TANGO6: variants seen among roughly 807,000 people sequenced by gnomAD.
The protein encoded by TANGO6 is transport and Golgi organization protein 6 homolog.
TANGO6 carries 90 observed loss-of-function variants against 114.2 expected under a neutral mutation model. The ratio of observed to expected loss-of-function variants is 0.79; its 90% CI spans 0.66 to 0.94. The LOEUF is 0.94. TANGO6 is among the 40% of genes least tolerant of loss of function. The probability of loss-of-function intolerance (pLI) is 0.00; values close to 1 mark genes in which losing one functional copy is unlikely to be tolerated. For missense variants in TANGO6, 1,274 were observed against 1,315.3 expected (o/e 0.97, Z 0.49); for synonymous variants, 477 against 509.8 (o/e 0.94, Z 0.87).
chr16:69,074,808 GTGTGT>G, intron 17 of TANGO6, among the ~76,000 whole-genome samples: 1 of 145,252 alleles, frequency 6.9e-6, no homozygotes. Flanking sequence ...CTGTGTGTGT[GTGTGT>G]GTGTGTGTGT....
At chr16:69,014,660 T>G (rs1473251616) in intron 15 of TANGO6, among the ~76,000 whole-genome samples, 1 of 151,998 alleles carries the variant, frequency 6.6e-6, no homozygotes, top group Non-Finnish European at 1.5e-5. Context: ...TTTGGGAGTC[T>G]AAGGCAGGAG....
At chr16:69,077,647 G>A (rs1460886351) in intron 17 of TANGO6, among the ~76,000 whole-genome samples, 10 of 152,030 alleles carry the variant, frequency 6.6e-5, no homozygotes, top group Admixed American at 6.6e-4. Context: ...TGGCCAACAT[G>A]GTGAAACCCT....
At chr16:68,939,411 T>C (rs962126499) in intron 14 of TANGO6, among the ~76,000 whole-genome samples, 6 of 152,064 alleles carry the variant, frequency 3.9e-5, no homozygotes, top group South Asian at 2.1e-4. Flanking sequence ...ACAAAAACCA[T>C]AGTGGAAACT....
chr16:68,941,540 T>A (rs1255946264), intron 14 of TANGO6, among the ~76,000 whole-genome samples: 1 of 152,032 alleles, frequency 6.6e-6, no homozygotes, highest in African/African-American at 2.4e-5. Context: ...GGACAGGAGT[T>A]TGAGACCAGC....
At position 68,982,630 on chromosome 16, in the gene TANGO6, C is replaced by CTTTTTTTTTTTTTTTTTTTTTTT. The variant is rs562523656; in HGVS notation, c.2842+8484_2842+8485insTTTTTTTTTTTTTTTTTTTTTTT. Among the ~76,000 whole-genome samples, 18 of 105,304 alleles carry CTTTTTTTTTTTTTTTTTTTTTTT rather than the reference C, an allele frequency of 1.7e-4. 1 individual carries two copies. Among genetic ancestry groups the CTTTTTTTTTTTTTTTTTTTTTTT allele is most frequent in the African/African-American group, 7.6e-4 (16 of 21,172 alleles). The allele number at this position is 105,304 out of a possible 152,430, so 69.1% of individuals were successfully genotyped here. On this transcript the variant is annotated intron_variant, in intron 15 of 17. Transcript: ENST00000261778. ...CAGGCATGAGCCACCATGCCCTGGC[C>CTTTTTTTTTTTTTTTTTTTTTTT]TTTTTTTTTTTTTTTTTTTTTTGTA...
rs71383949 is a variant in TANGO6 at position 69,048,258 on chromosome 16, A to ATTTTTTTT, written c.3108+7854_3108+7861dup. 6.1e-4 allele frequency among the ~76,000 whole-genome samples: 68 copies of ATTTTTTTT among 111,656 alleles called. 1 individual carries two copies. Among genetic ancestry groups the ATTTTTTTT allele is most frequent in the African/African-American group, 1.1e-3 (28 of 25,570 alleles). The allele number at this position is 111,656 out of a possible 152,430, so 73.3% of individuals were successfully genotyped here. On this transcript the variant is annotated intron_variant, in intron 17 of 17. Coordinates refer to ENST00000261778, the MANE Select transcript of TANGO6 (RefSeq NM_024562.2). ...CCACCAAGTGCAGCTAATTTTTTGT[A>ATTTTTTTT]TTTTTTTTTTTTTTTTTTTTTTTTG...
intron 14 of TANGO6, among the ~76,000 whole-genome samples, chr16:68,968,946 A>G (rs962085140): frequency 6.6e-6 from 1 of 152,196 alleles, no homozygotes; most frequent in African/African-American, 2.4e-5. Flanking sequence ...CTGGGATTAC[A>G]GGCATGAGCC....
chr16:68,963,600 A>T (rs1963615993), intron 14 of TANGO6, among the ~76,000 whole-genome samples: 1 of 152,214 alleles, frequency 6.6e-6, no homozygotes, highest in Admixed American at 6.5e-5. Context: ...TTAGATGTGG[A>T]CCTAGTGCAC....
intron 15 of TANGO6, among the ~76,000 whole-genome samples, chr16:69,001,388 A>G (rs1178579927): frequency 6.6e-6 from 1 of 152,190 alleles, no homozygotes; most frequent in East Asian, 1.9e-4. Context: ...TTTATTTTTA[A>G]AAGATTATTA....
intron 14 of TANGO6, among the ~76,000 whole-genome samples, chr16:68,966,876 A>T (rs1017251209): frequency 6.6e-6 from 1 of 151,332 alleles, no homozygotes; most frequent in Admixed American, 6.6e-5. Context: ...GGTTCAAGCA[A>T]TTTTCTTGCC....
At position 68,923,010 on chromosome 16, in the gene TANGO6, C is replaced by T. The variant is rs1351590939; in HGVS notation, c.2127+3791C>T. Among the ~76,000 whole-genome samples the T allele has an allele frequency of 1.1e-4, 15 of 139,646 alleles. No homozygotes were observed. The South Asian group carries it at 1.8e-3, about 17-fold the overall frequency. 91.6% of individuals were successfully genotyped at this position (139,646 alleles called of 152,430 possible). ...TTGCCCAGGCTGGGGTGCAATGGCA[C>T]GATCTCGGCTCACCGCAACCTCCGC... On this transcript the variant is annotated intron_variant, in intron 12 of 17. Coordinates refer to ENST00000261778, the MANE Select transcript of TANGO6 (RefSeq NM_024562.2).
intron 14 of TANGO6, among the ~76,000 whole-genome samples, chr16:68,963,019 G>A (rs1277649750): frequency 6.6e-6 from 1 of 150,652 alleles, no homozygotes; most frequent in African/African-American, 2.4e-5. Context: ...CCATGAACCC[G>A]GGAGGCAGAG....
At chr16:68,882,111 A>G (rs527832557) in intron 7 of TANGO6, among the ~76,000 whole-genome samples, 17 of 152,210 alleles carry the variant, frequency 1.1e-4, no homozygotes, top group Non-Finnish European at 2.5e-4. Flanking sequence ...GCTTTGGAAA[A>G]TAGTTTGACA....
intron 15 of TANGO6, among the ~76,000 whole-genome samples, chr16:69,000,853 A>G (rs147482353): frequency 4.6e-4 from 70 of 152,252 alleles, no homozygotes; most frequent in Middle Eastern, 6.8e-3. Context: ...TGGCCTCCCA[A>G]AGTGCTGGGA....
intron 15 of TANGO6, among the ~76,000 whole-genome samples, chr16:69,018,898 A>G (rs937346187): frequency 6.6e-6 from 1 of 152,168 alleles, no homozygotes; most frequent in East Asian, 1.9e-4. Flanking sequence ...CGACAGAGTG[A>G]GACTCCGTCT....
At position 68,928,015 on chromosome 16, in the gene TANGO6, C is replaced by T. The variant is rs1429304411; in HGVS notation, c.2575C>T (p.Arg859Cys). The T allele has an allele frequency of 8.7e-6, 14 of 1,608,710 alleles. No individual in the cohort carries two copies. Among genetic ancestry groups the T allele is most frequent in the East Asian group, 2.2e-5 (1 of 44,806 alleles). The change falls in exon 13 of 18, where the codon CGT (arginine) becomes TGT (cysteine). Residue 859 changes from arginine to cysteine, a missense_variant. Physicochemically the swap from Arg to Cys is radical, Grantham distance 180. Transcript: ENST00000261778. ...AATTCCAACACGGGCTGCTGCCCTG[C>T]GTACTCTTTCCCACTGGATAGAGCA... ...PQIPTRAAAL[R>C]TLSHWIEQRE... is the part of the protein sequence containing the mutation.
chr16:68,870,947 A>ATT (rs59608096), intron 4 of TANGO6, among the ~76,000 whole-genome samples: 5 of 140,058 alleles, frequency 3.6e-5, no homozygotes, highest in African/African-American at 7.8e-5. Context: ...CGCCCGGCTA[A>ATT]TTTTTTTTTT....
chr16:69,022,137 C>T (rs1429613511), intron 15 of TANGO6, among the ~76,000 whole-genome samples: 3 of 151,928 alleles, frequency 2.0e-5, no homozygotes, highest in African/African-American at 7.2e-5. Flanking sequence ...CCGCCCACCT[C>T]GGCCTCCCAA....
intron 15 of TANGO6, among the ~76,000 whole-genome samples, chr16:68,980,807 C>T (rs1307169426): frequency 6.6e-6 from 1 of 152,136 alleles, no homozygotes; most frequent in Admixed American, 6.5e-5. Context: ...ACCATCCTGT[C>T]TAACACCGTG....
Sources: gnomAD v4.1 joint callset for allele counts (sites outside exome capture counted in the v4.1 genomes callset) on GRCh38, gnomAD v4.1.1 for gene constraint, MANE v1.5 for transcripts, NCBI Gene and HGNC (gene_info 2026-07-23, HGNC 2026-07-21) for gene names.